Variants in NAA25 observed in about 807,000 individuals in gnomAD.
The protein encoded by NAA25 is N-terminal acetyltransferase B complex subunit NAA25.
NAA25 carries 30 observed loss-of-function variants against 132.5 expected under a neutral mutation model. The ratio of observed to expected loss-of-function variants is 0.23; its 90% CI spans 0.17 to 0.31. NAA25 has a LOEUF of 0.31. Among genes scored for constraint, NAA25 ranks in the 10% least tolerant of loss-of-function variants. The pLI is 1.00. For synonymous variants in NAA25, 359 were observed against 401.9 expected, an observed-to-expected ratio of 0.89 and a Z score of 1.28; for missense variants, 771 against 1,150.4, an observed-to-expected ratio of 0.67 and a Z score of 4.77.
chr12:112,074,582 C>A, intron 9 of NAA25, 93 bp downstream of exon 9: 2 of 661,026 alleles, frequency 3.0e-6, no homozygotes, highest in South Asian at 2.9e-5. Context: ...TTTATTGAGA[C>A]AGAAAAAGAG....
intron 18 of NAA25, 105 bp downstream of exon 18, chr12:112,043,520 G>A (rs2078331582): frequency 7.7e-7 from 1 of 1,305,864 alleles, no homozygotes; most frequent in Non-Finnish European, 1.1e-6. Context: ...GCCATAAACT[G>A]GGACAAAACA....
intron 13 of NAA25, among the ~76,000 whole-genome samples, chr12:112,055,432 T>C (rs976798961): frequency 3.3e-5 from 5 of 152,166 alleles, no homozygotes; most frequent in Non-Finnish European, 7.3e-5. Context: ...TGGTGGCTCA[T>C]GCCTATACTC....
intron 1 of NAA25, among the ~76,000 whole-genome samples, chr12:112,097,054 A>G (rs2079221801): frequency 6.6e-6 from 1 of 152,106 alleles, no homozygotes; most frequent in African/African-American, 2.4e-5. Context: ...CCCCTGCTGA[A>G]GGGGTAGGAC....
At chr12:112,104,868 A>C (rs1279414597) in intron 1 of NAA25, among the ~76,000 whole-genome samples, 1 of 151,584 alleles carries the variant, frequency 6.6e-6, no homozygotes, top group Non-Finnish European at 1.5e-5. Context: ...CAAAAACAAA[A>C]ATTAGCCGGG....
At chr12:112,042,990 G>T in intron 19 of NAA25, 98 bp downstream of exon 19, 1 of 1,201,626 alleles carries the variant, frequency 8.3e-7, no homozygotes, top group Non-Finnish European at 1.1e-6. Context: ...CAGCTTCCAT[G>T]TACTCTAAAA....
rs557021278 is a variant in NAA25, at chr12:112,073,676, G to A, written c.866+999C>T. Among the ~76,000 whole-genome samples the A allele has an allele frequency of 4.6e-5, 7 of 152,030 alleles. No individual in the cohort carries two copies. In the South Asian group the frequency reaches 1.2e-3, roughly 27 times the overall value. ...TCTTGATCTCCTGACCTTGTGATCC[G>A]CCCGCCTCCACCTCCCGAAGTGCTG... On this transcript the variant is annotated intron_variant, in intron 9 of 23. Coordinates refer to ENST00000261745, the MANE Select transcript of NAA25 (RefSeq NM_024953.4).
chr12:112,031,577 AG>A, intron 23 of NAA25, among the ~76,000 whole-genome samples: 1 of 152,330 alleles, frequency 6.6e-6, no homozygotes, highest in African/African-American at 2.4e-5. Flanking sequence ...AGTATGGCCA[AG>A]TTAAGGATAA....
intron 1 of NAA25, among the ~76,000 whole-genome samples, chr12:112,107,715 T>TAA (rs1191404013): frequency 6.6e-6 from 1 of 152,128 alleles, no homozygotes; most frequent in African/African-American, 2.4e-5. Flanking sequence ...GGTCTATAAA[T>TAA]ACGATGTCTA....
chr12:112,091,926 G>C (rs1566031486), intron 2 of NAA25, among the ~76,000 whole-genome samples: 1 of 152,184 alleles, frequency 6.6e-6, no homozygotes, highest in Non-Finnish European at 1.5e-5. Flanking sequence ...AATATGCAAA[G>C]AAATAAACAG....
chr12:112,045,021 C>T (rs1403008040), intron 17 of NAA25, among the ~76,000 whole-genome samples: 1 of 151,970 alleles, frequency 6.6e-6, no homozygotes, highest in African/African-American at 2.4e-5. Flanking sequence ...CCACTGTACT[C>T]CAGCCTGGGT....
rs888262299 is a variant in NAA25, at chr12:112,049,265, A to C, written c.1729-822T>G. ...AGAAAATCTCAGGGAAGAACATTTCATGGGTGTGGGTCTATGCCATCAGGA... is the reference window on the plus strand; with the variant it reads ...AGAAAATCTCAGGGAAGAACATTTCCTGGGTGTGGGTCTATGCCATCAGGA... On this transcript the variant is annotated intron_variant, in intron 15 of 23. Coordinates refer to ENST00000261745, the MANE Select transcript of NAA25 (RefSeq NM_024953.4). The surrounding 1 kb of genome is among the most constrained non-coding windows in gnomAD (Gnocchi z 4.7). Among the ~76,000 whole-genome samples, 3 of 152,244 alleles carry C rather than the reference A, an allele frequency of 2.0e-5. No individual in the cohort carries two copies. Among genetic ancestry groups the C allele is most frequent in the Admixed American group, 6.5e-5 (1 of 15,284 alleles).
intron 2 of NAA25, among the ~76,000 whole-genome samples, chr12:112,091,531 A>G (rs1161603282): frequency 3.3e-5 from 5 of 152,152 alleles, no homozygotes; most frequent in Non-Finnish European, 7.3e-5. Context: ...CATTTTTACA[A>G]AAAGTTTAAA....
chr12:112,030,266 C>T (rs1372056718), intron 23 of NAA25, among the ~76,000 whole-genome samples: 1 of 137,584 alleles, frequency 7.3e-6, no homozygotes, highest in Non-Finnish European at 1.6e-5. Flanking sequence ...TTTCTGATCA[C>T]TACTTTTTAA....
At chr12:112,084,968 A>G (rs2079023993) in intron 4 of NAA25, among the ~76,000 whole-genome samples, 1 of 151,932 alleles carries the variant, frequency 6.6e-6, no homozygotes, top group African/African-American at 2.4e-5. Context: ...GCAGTGGCTC[A>G]CGCCTGTAAT....
chr12:112,087,254 T>A (rs1228563970), intron 4 of NAA25, among the ~76,000 whole-genome samples: 2 of 152,144 alleles, frequency 1.3e-5, no homozygotes, highest in African/African-American at 2.4e-5. Flanking sequence ...CAACAAGGAT[T>A]TTCCCCCTGG....
In NAA25 at chr12:112,072,382, C is replaced by T. The variant is rs566917418; in HGVS notation, c.867-318G>A. On this transcript the variant is annotated intron_variant, in intron 9 of 23. Transcript: ENST00000261745. The stretch of plus-strand genomic sequence containing the variant: ...CAGCACTTTGGAAGCCTGAGGTGGG[C>T]GGATCACTTGAGGTCAGGAGTTCGA... Among the ~76,000 whole-genome samples the T allele has an allele frequency of 9.7e-4, 146 of 150,276 alleles. 2 individuals carry two copies. The highest frequency in any genetic ancestry group is 3.5e-3 in the African/African-American group (141 of 40,854).
Position 112,043,070 on chromosome 12 carries a change from C to G in NAA25, c.2374+18G>C. On this transcript the variant is annotated intron_variant, in intron 19 of 23. Transcript: ENST00000261745. ...TTTTCTATGACAAAGACCCTATAAA[C>G]ACACAGTGTACACTTACCTAAACCA... 6 of 1,577,078 alleles carry G rather than the reference C, an allele frequency of 3.8e-6. No individual in the cohort carries two copies. The highest frequency in any genetic ancestry group is 5.2e-6 in the Non-Finnish European group (6 of 1,162,592).
intron 3 of NAA25, among the ~76,000 whole-genome samples, chr12:112,088,285 T>A (rs2079082660): frequency 6.6e-6 from 1 of 151,576 alleles, no homozygotes; most frequent in Admixed American, 6.6e-5. Flanking sequence ...CCCTCTGCCA[T>A]CTTGGAATCT....
Position 112,068,897 on chromosome 12 carries a change from CAG to C in NAA25, c.1130_1131del (p.Pro377ArgfsTer9), listed in dbSNP as rs1228139416. On this transcript the variant is annotated frameshift_variant, in exon 11 of 24. Transcript: ENST00000261745. LOFTEE classifies it high-confidence loss of function. ...GTACTTACTTTTGTACACTGTGTAGCAGGTAAGAGGTCAACAAACACCTTAAG... is the reference window on the plus strand; with the variant it reads ...GTACTTACTTTTGTACACTGTGTAGCGTAAGAGGTCAACAAACACCTTAAG... ...TDLKVFVDLL[P>X]ATQCTKFINQ... 1 of 1,607,148 alleles carries C rather than the reference CAG, an allele frequency of 6.2e-7. No individual in the cohort carries two copies. The highest frequency in any genetic ancestry group is 8.5e-7 in the Non-Finnish European group (1 of 1,174,788).
Sources: allele counts gnomAD v4.1 joint callset (sites outside exome capture counted in the v4.1 genomes callset), GRCh38; gene constraint gnomAD v4.1.1; non-coding constraint Gnocchi (gnomAD v3.1); transcripts MANE v1.5; gene names NCBI Gene and HGNC (gene_info 2026-07-23, HGNC 2026-07-21).